The following TSPAN1 variants were observed in gnomAD, a reference collection of about 807,000 sequenced individuals.
TSPAN1 encodes tetraspanin-1.
Under a neutral mutation model 26.9 loss-of-function variants are expected in TSPAN1, and 23 were observed. That is an observed-to-expected ratio of 0.85 (90% confidence interval 0.62 to 1.21). The LOEUF (loss-of-function observed/expected upper bound fraction) is 1.21, where lower values mean the gene tolerates loss of function less well. Among genes scored for constraint, TSPAN1 ranks in the 50% most tolerant of loss-of-function variants. The probability of loss-of-function intolerance (pLI) is 0.00; values close to 1 mark genes in which losing one functional copy is unlikely to be tolerated. For synonymous variants in TSPAN1, 115 were observed against 114.8 expected (o/e 1.00, Z -0.01); for missense variants, 283 against 298.4 (o/e 0.95, Z 0.38).
Position 46,184,584 on chromosome 1 carries a change from C to T in TSPAN1, c.265-10C>T. ...TCTCCCTAAAACCCAGACCCCTGTT[C>T]CCCACTCAGTTCTTCTTCATCCTCC... On this transcript the variant is annotated splice_polypyrimidine_tract_variant and intron_variant, in intron 4 of 8. Coordinates refer to ENST00000372003, the MANE Select transcript of TSPAN1 (RefSeq NM_005727.4). 1.2e-6 allele frequency: 2 copies of T among 1,614,048 alleles called. No individual in the cohort carries two copies. The highest frequency in any genetic ancestry group is 1.7e-6 in the Non-Finnish European group (2 of 1,179,974).
rs929867048 is a variant in TSPAN1, at chr1:46,185,675, T to G, written c.*142T>G. The G allele has an allele frequency of 4.3e-6, 4 of 940,180 alleles. No homozygotes were observed. Among genetic ancestry groups the G allele is most frequent in the Non-Finnish European group, 6.6e-6 (4 of 607,182 alleles). 58.2% of individuals were successfully genotyped at this position (940,180 alleles called of 1,614,324 possible). A position where few individuals can be genotyped will look rare whatever the true frequency, so the allele number is the denominator to read the frequency against. On this transcript the variant is annotated 3_prime_UTR_variant, in exon 9 of 9. Transcript: ENST00000372003. The stretch of plus-strand genomic sequence containing the variant: ...GGACCTGCCCTTTCTGCTCCAGACT[T>G]GGGGCTAGATAGGGACCACTCCTTT...
the TSPAN1 span, chr1:46,194,366 G>A: frequency 6.2e-6 from 10 of 1,614,206 alleles, no homozygotes; most frequent in Admixed American, 1.7e-5. Flanking sequence ...CGGCGGCGAC[G>A]GTTCAGCTCT....
chr1:46,194,201 C>A, the TSPAN1 span: 1 of 1,613,256 alleles, frequency 6.2e-7, no homozygotes, highest in Non-Finnish European at 8.5e-7. Context: ...AAAGCCCAAC[C>A]TAGATCATTC....
intron 7 of TSPAN1, 31 bp from the exon 8 acceptor site, chr1:46,185,194 C>T: frequency 1.2e-6 from 2 of 1,614,124 alleles, no homozygotes; most frequent in South Asian, 1.1e-5. Context: ...GGGCAGCTGC[C>T]AACTATAAAT....
chr1:46,192,524 A>G, the TSPAN1 span: 2 of 1,614,062 alleles, frequency 1.2e-6, no homozygotes, highest in South Asian at 1.1e-5. Flanking sequence ...CTACCTGGTC[A>G]TTCCAGGCAG....
At chr1:46,195,345 G>A in the TSPAN1 span, 6 of 376,670 alleles carry the variant, frequency 1.6e-5, no homozygotes, top group Admixed American at 1.6e-4. Flanking sequence ...CACCTGGAAT[G>A]CTCTTCCTCC....
At chr1:46,194,339 C>A in the TSPAN1 span, 1 of 1,614,252 alleles carries the variant, frequency 6.2e-7, no homozygotes, top group Non-Finnish European at 8.5e-7. Flanking sequence ...TAGCCCTCAA[C>A]TTTGCTGCAG....
the TSPAN1 span, chr1:46,192,711 C>T: frequency 6.3e-7 from 1 of 1,598,660 alleles, no homozygotes. Context: ...CCTCCTTCCC[C>T]CAAATCCCCA....
chr1:46,193,373 C>A, the TSPAN1 span: 1 of 1,612,940 alleles, frequency 6.2e-7, no homozygotes, highest in Non-Finnish European at 8.5e-7. Flanking sequence ...AACAGTGCCA[C>A]CACATCCATG....
At chr1:46,178,252 G>A (rs1303420705) in intron 1 of TSPAN1, among the ~76,000 whole-genome samples, 2 of 151,908 alleles carry the variant, frequency 1.3e-5, no homozygotes, top group Non-Finnish European at 2.9e-5. Context: ...AGCTACTCAG[G>A]AGGCTGAGGC....
chr1:46,190,641 C>G (rs1408531385), downstream of TSPAN1: 2 of 1,540,554 alleles, frequency 1.3e-6, no homozygotes, highest in East Asian at 2.2e-5. Context: ...ACACACAGGC[C>G]CAGCATTGGA....
chr1:46,189,378 T>A, downstream of TSPAN1: 1 of 1,613,934 alleles, frequency 6.2e-7, no homozygotes, highest in South Asian at 1.1e-5. Context: ...AATACAAGAA[T>A]GTATAGAGAA....
At chr1:46,189,794 T>C (rs1657606027), downstream of TSPAN1, 1 of 1,608,318 alleles carries the variant, frequency 6.2e-7, no homozygotes, top group Admixed American at 1.7e-5. Context: ...TCCCTGGATC[T>C]TGGGGCAGTA....
the TSPAN1 span, chr1:46,192,452 C>T: frequency 6.2e-7 from 1 of 1,614,122 alleles, no homozygotes; most frequent in African/African-American, 1.3e-5. Context: ...GACAGGGTGC[C>T]ATAGTGGGAG....
At position 46,184,817 on chromosome 1, in the gene TSPAN1, T is replaced by G; in HGVS notation, c.372T>G (p.Pro124=). 1 of 1,614,178 alleles carries G rather than the reference T, an allele frequency of 6.2e-7. No homozygotes were observed. Among genetic ancestry groups the G allele is most frequent in the Non-Finnish European group, 8.5e-7 (1 of 1,180,034 alleles). Residue 124 remains proline, a synonymous_variant, in exon 6 of 9, where the codon CCT becomes CCG. Transcript: ENST00000372003. Reference sequence around the variant, plus strand: ...ACTTCCTGACGTTGCTGGTAGTGCCTGCCATCAAGAAAGATTATGGTTCCC... The same window carrying G: ...ACTTCCTGACGTTGCTGGTAGTGCCGGCCATCAAGAAAGATTATGGTTCCC... The part of the protein sequence containing the change: ...AEHFLTLLVV[P]AIKKDYGSQE...
At chr1:46,176,163 C>T in intron 1 of TSPAN1, 10 of 1,523,164 alleles carry the variant, frequency 6.6e-6, no homozygotes, top group Non-Finnish European at 8.8e-6. Flanking sequence ...GCATGAGCCA[C>T]CGCACCCAGC....
In TSPAN1 at chr1:46,185,506, C is replaced by T; in HGVS notation, c.699C>T (p.Ser233=). Reference sequence around the variant, plus strand: ...TCCAGCTGGCTGCCATGATTGTGTCCATGTATCTGTACTGCAATCTACAAT... The same window carrying T: ...TCCAGCTGGCTGCCATGATTGTGTCTATGTATCTGTACTGCAATCTACAAT... The part of the protein sequence containing the change: ...GGLELAAMIV[S]MYLYCNLQ Residue 233 remains serine, a synonymous_variant, in exon 9 of 9, where the codon TCC becomes TCT. Coordinates refer to ENST00000372003, the MANE Select transcript of TSPAN1 (RefSeq NM_005727.4). 1.9e-6 allele frequency: 3 copies of T among 1,614,204 alleles called. No homozygotes were observed. The highest frequency in any genetic ancestry group is 2.5e-6 in the Non-Finnish European group (3 of 1,180,038).
rs1657310222 is a variant in TSPAN1 at position 46,181,315 on chromosome 1, T to A, written c.57+151T>A. 6 of 752,778 alleles carry A rather than the reference T, an allele frequency of 8.0e-6. No individual in the cohort carries two copies. In the South Asian group the frequency reaches 1.1e-4, roughly 14 times the overall value. 46.6% of individuals were successfully genotyped at this position (752,778 alleles called of 1,614,324 possible). ...AGTGGGATGCAAAGGTCTCCCCAAA[T>A]GCTGCTGATTCCTAGTCCCAGCAGC... On this transcript the variant is annotated intron_variant, in intron 3 of 8. Coordinates refer to ENST00000372003, the MANE Select transcript of TSPAN1 (RefSeq NM_005727.4).
At chr1:46,191,188 T>C in the TSPAN1 span, 1 of 311,560 alleles carries the variant, frequency 3.2e-6, no homozygotes, top group African/African-American at 2.2e-5. Context: ...GAGAGTGACC[T>C]GAGGGAAGCG....
Sources: gnomAD v4.1 joint callset for allele counts (sites outside exome capture counted in the v4.1 genomes callset) on GRCh38, gnomAD v4.1.1 for gene constraint, MANE v1.5 for transcripts, NCBI Gene and HGNC (gene_info 2026-07-23, HGNC 2026-07-21) for gene names.